LRCH1: variants seen among roughly 807,000 people sequenced by gnomAD.
LRCH1 encodes leucine rich repeats and calponin homology domain containing 1, also known as leucine-rich repeat and calponin homology domain-containing protein 1.
A neutral mutation model predicts 94.9 loss-of-function variants in LRCH1; 23 were observed. The observed-to-expected ratio is 0.24, with a 90% CI of 0.17 to 0.34. LRCH1 has a LOEUF of 0.34. Ranked by LOEUF, LRCH1 falls within the 10% of genes least tolerant of loss-of-function variation. LRCH1 has a pLI of 1.00. For missense variants in LRCH1, 790 were observed against 945.9 expected (o/e 0.84, Z 2.16); for synonymous variants, 364 against 354.9 (o/e 1.03, Z -0.29).
At chr13:46,589,626 G>A (rs1401635116) in intron 1 of LRCH1, among the ~76,000 whole-genome samples, 2 of 126,260 alleles carry the variant, frequency 1.6e-5, no homozygotes, top group Non-Finnish European at 3.2e-5. Flanking sequence ...TTGAGATGGC[G>A]TTTTGCTCTT....
intron 1 of LRCH1, among the ~76,000 whole-genome samples, chr13:46,560,895 A>G (rs984505892): frequency 2.0e-5 from 3 of 152,242 alleles, no homozygotes; most frequent in Non-Finnish European, 4.4e-5. Flanking sequence ...TTTGGAAACC[A>G]TCTCCTCCCA....
intron 2 of LRCH1, among the ~76,000 whole-genome samples, chr13:46,653,605 C>A (rs1397660076): frequency 1.3e-5 from 2 of 151,938 alleles, no homozygotes; most frequent in Admixed American, 6.6e-5. Flanking sequence ...CAGGCAGATC[C>A]CTTGAGCCCA....
intron 1 of LRCH1, among the ~76,000 whole-genome samples, chr13:46,561,211 C>A (rs2050126434): frequency 1.3e-5 from 2 of 152,244 alleles, no homozygotes; most frequent in Non-Finnish European, 2.9e-5. Context: ...GGCAGCTCAA[C>A]TGACTATACC....
At position 46,742,389 on chromosome 13, in the gene LRCH1, T is replaced by C; in HGVS notation, c.*541T>C. 1 of 992,420 alleles carries C rather than the reference T, an allele frequency of 1.0e-6. No homozygotes were observed. Among genetic ancestry groups the C allele is most frequent in the Non-Finnish European group, 1.2e-6 (1 of 833,952 alleles). 61.5% of individuals were successfully genotyped at this position (992,420 alleles called of 1,614,324 possible). A position where few individuals can be genotyped will look rare whatever the true frequency, so the allele number is the denominator to read the frequency against. On this transcript the variant is annotated 3_prime_UTR_variant, in exon 20 of 20. Transcript: ENST00000389797. ...ATACCACTACTGACCAAGTTGGACGTGTACACGTACTCACACTGCCTTGAT... is the reference window on the plus strand; with the variant it reads ...ATACCACTACTGACCAAGTTGGACGCGTACACGTACTCACACTGCCTTGAT...
chr13:46,573,287 A>G lies in LRCH1; in HGVS notation c.307+19584A>G, dbSNP rs913456722. 2.6e-5 allele frequency among the ~76,000 whole-genome samples: 4 copies of G among 152,318 alleles called. No individual in the cohort carries two copies. The South Asian group carries it at 6.2e-4, about 24-fold the overall frequency. ...ATATTTGAGCCGAGTAAGTGAATAA[A>G]TGGCTGGATGAATGAATGGAATGCA... On this transcript the variant is annotated intron_variant, in intron 1 of 19. Coordinates refer to ENST00000389797, the MANE Select transcript of LRCH1 (RefSeq NM_001164211.2).
chr13:46,601,945 A>G (rs1359755086), intron 1 of LRCH1, among the ~76,000 whole-genome samples: 1 of 152,216 alleles, frequency 6.6e-6, no homozygotes, highest in Non-Finnish European at 1.5e-5. Context: ...CTAAGAATTA[A>G]TAGCCTGTGT....
chr13:46,712,655 C>A, intron 15 of LRCH1, 58 bp downstream of exon 15: 1 of 1,464,530 alleles, frequency 6.8e-7, no homozygotes, highest in Non-Finnish European at 9.6e-7. Flanking sequence ...TCTCTTGAGC[C>A]TTTTAAGTGT....
chr13:46,751,781 G>A (rs897968997), exon 19 of LRCH1: 1 of 152,210 alleles, frequency 6.6e-6, no homozygotes, highest in Non-Finnish European at 1.5e-5. Flanking sequence ...AAAAGGGTTT[G>A]AAGGGAAGCT....
intron 1 of LRCH1, among the ~76,000 whole-genome samples, chr13:46,597,923 T>TA (rs1357806741): frequency 1.3e-5 from 2 of 152,158 alleles, no homozygotes; most frequent in African/African-American, 4.8e-5. Context: ...AGCTAAGGAT[T>TA]AGTATTTCCT....
chr13:46,729,023 G>C, intron 18 of LRCH1, 39 bp downstream of exon 18: 1 of 1,581,016 alleles, frequency 6.3e-7, no homozygotes, highest in Non-Finnish European at 8.6e-7. Flanking sequence ...ACATAAAACA[G>C]ACCTTTAGGG....
intron 2 of LRCH1, among the ~76,000 whole-genome samples, chr13:46,660,481 G>C (rs986099680): frequency 1.1e-4 from 16 of 152,076 alleles, no homozygotes; most frequent in African/African-American, 3.6e-4. Context: ...AGAGAAATTG[G>C]CTAGTCTTGT....
At chr13:46,715,473 A>C in intron 15 of LRCH1, 87 bp from the exon 16 acceptor site, 1 of 715,178 alleles carries the variant, frequency 1.4e-6, no homozygotes, top group Non-Finnish European at 2.5e-6. Context: ...TGCAAACCCT[A>C]TGCCATTTGT....
chr13:46,571,902 G>A (rs907190642), intron 1 of LRCH1, among the ~76,000 whole-genome samples: 4 of 151,918 alleles, frequency 2.6e-5, no homozygotes, highest in African/African-American at 4.8e-5. Flanking sequence ...GAGAAAGAGC[G>A]GGAGGGAGGG....
chr13:46,595,249 G>A (rs1220102666), intron 1 of LRCH1, among the ~76,000 whole-genome samples: 1 of 152,104 alleles, frequency 6.6e-6, no homozygotes, highest in Non-Finnish European at 1.5e-5. Flanking sequence ...GAACTTAGAG[G>A]ATGCATAGGC....
At chr13:46,611,839 A>G (rs1034971555) in intron 1 of LRCH1, among the ~76,000 whole-genome samples, 2 of 152,246 alleles carry the variant, frequency 1.3e-5, no homozygotes, top group African/African-American at 4.8e-5. Flanking sequence ...TTGAAATTGC[A>G]TAGGTGGCTT....
At chr13:46,716,103 T>C (rs951386389) in intron 16 of LRCH1, among the ~76,000 whole-genome samples, 1 of 152,102 alleles carries the variant, frequency 6.6e-6, no homozygotes, top group East Asian at 1.9e-4. Context: ...TCCTAGAGTA[T>C]TGCATTGAAA....
intron 1 of LRCH1, among the ~76,000 whole-genome samples, chr13:46,564,983 A>G (rs1249824789): frequency 2.0e-5 from 3 of 152,222 alleles, no homozygotes; most frequent in Non-Finnish European, 2.9e-5. Flanking sequence ...TATCATTAGC[A>G]TAGAGGCTAA....
exon 19 of LRCH1, chr13:46,752,591 C>T (rs1384075301): frequency 1.3e-5 from 2 of 152,154 alleles, no homozygotes; most frequent in Non-Finnish European, 2.9e-5. Flanking sequence ...TGTAAAGAAA[C>T]ATTTTGGACA....
intron 1 of LRCH1, among the ~76,000 whole-genome samples, chr13:46,612,936 A>C (rs1687272151): frequency 6.6e-6 from 1 of 152,234 alleles, no homozygotes; most frequent in South Asian, 2.1e-4. Context: ...ATGATGAAGT[A>C]ATCGTATGTG....
Sources: gnomAD v4.1 joint callset for allele counts (sites outside exome capture counted in the v4.1 genomes callset) on GRCh38, gnomAD v4.1.1 for gene constraint, MANE v1.5 for transcripts, NCBI Gene and HGNC (gene_info 2026-07-23, HGNC 2026-07-21) for gene names.